Variants in CAST observed in about 807,000 individuals in gnomAD.
CAST encodes calpastatin, also known as MIR583 host.
CAST carries 76 observed loss-of-function variants against 119.6 expected under a neutral mutation model. That is an observed-to-expected ratio of 0.64 (90% confidence interval 0.53 to 0.77). CAST has a LOEUF of 0.77. Among genes scored for constraint, CAST ranks in the 30% least tolerant of loss-of-function variants. CAST has a pLI of 0.00. For synonymous variants in CAST, 319 were observed against 331.6 expected, an observed-to-expected ratio of 0.96 and a Z score of 0.41; for missense variants, 953 against 946.5, an observed-to-expected ratio of 1.01 and a Z score of -0.09.
At chr5:96,056,218 G>A in the CAST span, among the ~76,000 whole-genome samples, 1 of 152,102 alleles carries the variant, frequency 6.6e-6, no homozygotes, top group Non-Finnish European at 1.5e-5. Flanking sequence ...CTTTCTGGGA[G>A]TTAGGTTTTG....
At chr5:96,735,635 A>T (rs533439033) in intron 9 of CAST, among the ~76,000 whole-genome samples, 1 of 152,320 alleles carries the variant, frequency 6.6e-6, no homozygotes, top group Admixed American at 6.5e-5. Flanking sequence ...AATTTCAGAG[A>T]TTACATCTGG....
chr5:96,356,177 T>C, the CAST span, among the ~76,000 whole-genome samples: 7 of 152,214 alleles, frequency 4.6e-5, no homozygotes, highest in African/African-American at 1.7e-4. Flanking sequence ...CACTTTTTGA[T>C]GGGGTTATTT....
At chr5:96,034,462 TACACACACACACAC>T in the CAST span, among the ~76,000 whole-genome samples, 5,316 of 101,824 alleles carry the variant, frequency 0.052, 152 homozygotes, top group Non-Finnish European at 0.069. Flanking sequence ...GTATATATCA[TACACACACACACAC>T]ACACACACAC....
the CAST span, among the ~76,000 whole-genome samples, chr5:96,295,771 A>G: frequency 6.6e-6 from 1 of 152,248 alleles, no homozygotes; most frequent in African/African-American, 2.4e-5. Flanking sequence ...GAGAAGTGTC[A>G]CGTAAAGCAG....
the CAST span, among the ~76,000 whole-genome samples, chr5:96,253,386 A>G: frequency 2.0e-5 from 3 of 152,156 alleles, no homozygotes; most frequent in Non-Finnish European, 4.4e-5. Context: ...CAAAACCATA[A>G]AATCTCTGGG....
chr5:96,769,520 A>G (rs943224732), intron 29 of CAST: 2 of 152,082 alleles, frequency 1.3e-5, no homozygotes, highest in East Asian at 3.9e-4. Context: ...TGGGATGCAT[A>G]GAAATAATAA....
chr5:96,475,483 G>A, the CAST span, among the ~76,000 whole-genome samples: 1 of 152,188 alleles, frequency 6.6e-6, no homozygotes, highest in Non-Finnish European at 1.5e-5. Flanking sequence ...GGGTATTGAT[G>A]TTTTAGCAGC....
At chr5:96,373,747 C>CT in the CAST span, among the ~76,000 whole-genome samples, 1,581 of 148,124 alleles carry the variant, frequency 0.011, 31 homozygotes, top group African/African-American at 0.036. Context: ...TTTTTCTTCT[C>CT]TTTTTTTTTT....
At chr5:96,486,284 AG>A in the CAST span, among the ~76,000 whole-genome samples, 3 of 152,270 alleles carry the variant, frequency 2.0e-5, no homozygotes, top group African/African-American at 7.2e-5. Context: ...CCAGGAAGGG[AG>A]GAGTAATCTT....
At chr5:96,233,795 C>A in the CAST span, among the ~76,000 whole-genome samples, 1 of 152,152 alleles carries the variant, frequency 6.6e-6, no homozygotes, top group African/African-American at 2.4e-5. Flanking sequence ...AACATATTTA[C>A]ATATGTGTTC....
chr5:96,389,386 CAATT>C, the CAST span, among the ~76,000 whole-genome samples: 46 of 152,258 alleles, frequency 3.0e-4, no homozygotes, highest in Non-Finnish European at 4.7e-4. Context: ...TACAATCAAT[CAATT>C]AATCGATTAA....
chr5:96,149,800 C>G, the CAST span, among the ~76,000 whole-genome samples: 1 of 152,212 alleles, frequency 6.6e-6, no homozygotes, highest in Non-Finnish European at 1.5e-5. Flanking sequence ...CATTCGCTGT[C>G]TGAGCCTCAG....
chr5:96,395,531 C>T, the CAST span, among the ~76,000 whole-genome samples: 13 of 152,116 alleles, frequency 8.5e-5, no homozygotes, highest in Non-Finnish European at 1.9e-4. Flanking sequence ...TCTCAGCAAA[C>T]CAACACAGGA....
At chr5:96,234,937 A>T in the CAST span, among the ~76,000 whole-genome samples, 1 of 152,218 alleles carries the variant, frequency 6.6e-6, no homozygotes, top group Non-Finnish European at 1.5e-5. Context: ...ACACTTATGC[A>T]ATGATTATCA....
the CAST span, among the ~76,000 whole-genome samples, chr5:96,292,665 T>G: frequency 0.22 from 33,017 of 152,218 alleles, 4,481 homozygotes; most frequent in Non-Finnish European, 0.28. Context: ...GATTATTAAC[T>G]GGGAGAATTT....
intron 1 of CAST, among the ~76,000 whole-genome samples, chr5:96,617,790 TAAAAAAAAAAAAAAAAAAAAAA>T (rs1162873931): frequency 0.029 from 638 of 22,008 alleles, 22 homozygotes; most frequent in African/African-American, 0.067. Flanking sequence ...AAATTCCATC[TAAAAAAAAAAAAAAAAAAAAAA>T]AAAAAAAAAA....
chr5:96,701,301 G>A (rs762225384), intron 3 of CAST, among the ~76,000 whole-genome samples: 74 of 152,124 alleles, frequency 4.9e-4, no homozygotes, highest in Non-Finnish European at 9.7e-4. Flanking sequence ...TCAGAGATAG[G>A]CATCATTGAG....
At chr5:96,675,715 AATTTTG>A (rs1750622636) in intron 2 of CAST, 114 bp downstream of exon 2, 1 of 722,008 alleles carries the variant, frequency 1.4e-6, no homozygotes, top group Middle Eastern at 3.4e-4. Flanking sequence ...AATATTGGGA[AATTTTG>A]ATTTAACCAA....
the CAST span, among the ~76,000 whole-genome samples, chr5:96,034,679 A>G: frequency 6.6e-6 from 1 of 151,688 alleles, no homozygotes; most frequent in Non-Finnish European, 1.5e-5. Flanking sequence ...ACTGTTAACA[A>G]TAGTCACCCT....
Sources: gnomAD v4.1 joint callset for allele counts (sites outside exome capture counted in the v4.1 genomes callset) on GRCh38, gnomAD v4.1.1 for gene constraint, MANE v1.5 for transcripts, NCBI Gene and HGNC (gene_info 2026-07-23, HGNC 2026-07-21) for gene names.